The following KDM5B variants were observed in gnomAD, a reference collection of about 807,000 sequenced individuals.
KDM5B encodes lysine demethylase 5B.
In KDM5B, 144 loss-of-function variants were observed where a neutral mutation model predicts 193.4. The ratio of observed to expected loss-of-function variants is 0.74; its 90% confidence interval spans 0.65 to 0.86. The LOEUF is 0.86. KDM5B is among the 40% of genes least tolerant of loss of function. The pLI is 0.00. For synonymous variants in KDM5B, 668 were observed against 682.6 expected, an observed-to-expected ratio of 0.98 and a Z score of 0.33; for missense variants, 1,833 against 1,886.9, an observed-to-expected ratio of 0.97 and a Z score of 0.53.
At chr1:202,736,424 G>C (rs767861386) in intron 20 of KDM5B, 32 bp from the exon 21 acceptor site, 1 of 1,495,852 alleles carries the variant, frequency 6.7e-7, no homozygotes, top group Non-Finnish European at 9.0e-7. Context: ...CAGCAGTTTA[G>C]AGAAAAGAAC....
chr1:202,748,661 G>A (rs2102247366), intron 14 of KDM5B, among the ~76,000 whole-genome samples: 1 of 152,274 alleles, frequency 6.6e-6, no homozygotes, highest in Non-Finnish European at 1.5e-5. Flanking sequence ...TTGAACCCAG[G>A]AGTTTGAGAC....
At position 202,774,800 on chromosome 1, in the gene KDM5B, T is replaced by G. The variant is rs1429841835; in HGVS notation, c.283-65A>C. Reference sequence around the variant, plus strand: ...ATTTTAAAGCTCCTATTACCTGCCATTATTTTCTTTCACAGAATATTTAAG... The same window carrying G: ...ATTTTAAAGCTCCTATTACCTGCCAGTATTTTCTTTCACAGAATATTTAAG... On this transcript the variant is annotated intron_variant, in intron 2 of 26. Coordinates refer to ENST00000367265, the MANE Select transcript of KDM5B (RefSeq NM_006618.5). The G allele has an allele frequency of 2.0e-5, 29 of 1,486,962 alleles. No individual in the cohort carries two copies. The Admixed American group carries it at 4.7e-4, about 24-fold the overall frequency. The allele number at this position is 1,486,962 out of a possible 1,614,324, so 92.1% of individuals were successfully genotyped here.
In KDM5B at chr1:202,774,822, T is replaced by C. The variant is rs972609450; in HGVS notation, c.283-87A>G. 6 of 1,320,868 alleles carry C rather than the reference T, an allele frequency of 4.5e-6. No homozygotes were observed. In the African/African-American group the frequency reaches 7.4e-5, roughly 16 times the overall value. The allele number at this position is 1,320,868 out of a possible 1,614,324, so 81.8% of individuals were successfully genotyped here. On this transcript the variant is annotated intron_variant, in intron 2 of 26. Transcript: ENST00000367265. ...CCATTATTTTCTTTCACAGAATATT[T>C]AAGTACAATACCACTTAAAAAAATT...
chr1:202,754,755 G>A (rs1344664532), intron 11 of KDM5B, among the ~76,000 whole-genome samples: 8 of 152,206 alleles, frequency 5.3e-5, no homozygotes, highest in Non-Finnish European at 1.5e-5. Flanking sequence ...CGGTCTCTTG[G>A]CTCACTGCAA....
chr1:202,750,892 T>C (rs934579020), intron 12 of KDM5B, 114 bp from the exon 13 acceptor site: 3 of 1,114,180 alleles, frequency 2.7e-6, no homozygotes, highest in Non-Finnish European at 3.8e-6. Flanking sequence ...CTTTCTGAAA[T>C]TGAGCCAGAA....
intron 16 of KDM5B, among the ~76,000 whole-genome samples, chr1:202,743,336 C>CAAAAAAA (rs56202317): frequency 3.8e-5 from 3 of 79,444 alleles, no homozygotes; most frequent in African/African-American, 1.6e-4. Flanking sequence ...GACCTTGTCT[C>CAAAAAAA]AAAAAAAAAA....
At chr1:202,773,069 A>C in intron 4 of KDM5B, 49 bp downstream of exon 4, 1 of 1,251,812 alleles carries the variant, frequency 8.0e-7, no homozygotes, top group Non-Finnish European at 1.1e-6. Flanking sequence ...AAGACAATGT[A>C]CCAATAAGTA....
intron 14 of KDM5B, among the ~76,000 whole-genome samples, chr1:202,748,335 G>A (rs1655647563): frequency 6.6e-6 from 1 of 151,944 alleles, no homozygotes; most frequent in African/African-American, 2.4e-5. Flanking sequence ...TGTAACTTTG[G>A]ATTAGGCAAG....
At chr1:202,807,682 C>T (rs1357968846) in intron 1 of KDM5B, among the ~76,000 whole-genome samples, 1 of 149,864 alleles carries the variant, frequency 6.7e-6, no homozygotes, top group Non-Finnish European at 1.5e-5. Flanking sequence ...CCCCGCACCC[C>T]GGGAGCGGAG....
chr1:202,732,620 G>GTTT (rs66482938), intron 23 of KDM5B, among the ~76,000 whole-genome samples: 2 of 147,976 alleles, frequency 1.4e-5, no homozygotes, highest in Non-Finnish European at 3.0e-5. Flanking sequence ...ATGACAGACT[G>GTTT]TTTTTTTTTT....
intron 19 of KDM5B, among the ~76,000 whole-genome samples, 188 bp from the exon 20 acceptor site, chr1:202,741,000 A>AAGTTAATAGG (rs1655315068): frequency 1.3e-5 from 2 of 152,172 alleles, no homozygotes; most frequent in Non-Finnish European, 2.9e-5. Context: ...TAACTCTCAC[A>AAGTTAATAGG]CATTTCTCTT....
Position 202,740,803 on chromosome 1 carries a change from A to G in KDM5B, c.2955T>C (p.His985=). 6.2e-7 allele frequency: 1 copy of G among 1,610,282 alleles called. No homozygotes were observed. Among genetic ancestry groups the G allele is most frequent in the East Asian group, 2.2e-5 (1 of 44,796 alleles). ...CTGCCGTAGCAAGGCTATTCAATGA[A>G]TGTCGTGGCCTACAAAATGCAAACA... The part of the protein sequence containing the change: ...AKSLLKARPR[H]SLNSLATAVK... The change falls in exon 20 of 27, where the codon CAT becomes CAC. Residue 985 remains histidine, a synonymous_variant. Coordinates refer to ENST00000367265, the MANE Select transcript of KDM5B (RefSeq NM_006618.5).
intron 11 of KDM5B, 70 bp downstream of exon 11, chr1:202,755,201 C>T (rs1364413328): frequency 8.4e-7 from 1 of 1,188,626 alleles, no homozygotes; most frequent in African/African-American, 1.5e-5. Flanking sequence ...TAAGACACAT[C>T]TGCACTGAAA....
chr1:202,745,879 C>T lies in KDM5B; in HGVS notation c.2302G>A (p.Ala768Thr). The T allele has an allele frequency of 6.2e-7, 1 of 1,614,018 alleles. No individual in the cohort carries two copies. The highest frequency in any genetic ancestry group is 8.5e-7 in the Non-Finnish European group (1 of 1,179,910). Residue 768 changes from alanine (A) to threonine (T), a missense_variant, in exon 16 of 27, where the codon GCA (alanine) becomes ACA (threonine). Physicochemically the swap from Ala to Thr is moderately conservative, Grantham distance 58. Around this residue, in one of 3 missense-constraint regions of KDM5B, gnomAD observed 1,379 missense variants for 1,349.6 expected, o/e 1.02. Coordinates refer to ENST00000367265, the MANE Select transcript of KDM5B (RefSeq NM_006618.5). ...WALNVNEALE[A>T]KINKKKSLVS... Reference sequence around the variant, plus strand: ...ATACTTTTCTTCTTGTTGATCTTTGCCTCCAAAGCTTCATTCACATTCAAG... The same window carrying T: ...ATACTTTTCTTCTTGTTGATCTTTGTCTCCAAAGCTTCATTCACATTCAAG...
At chr1:202,765,063 T>C (rs1227518260) in intron 5 of KDM5B, among the ~76,000 whole-genome samples, 2 of 152,242 alleles carry the variant, frequency 1.3e-5, no homozygotes, top group Non-Finnish European at 2.9e-5. Context: ...ATCTATTTGC[T>C]TTATGCTTTA....
intron 4 of KDM5B, among the ~76,000 whole-genome samples, chr1:202,770,621 G>A (rs914000524): frequency 1.3e-5 from 2 of 152,114 alleles, no homozygotes; most frequent in Non-Finnish European, 2.9e-5. Flanking sequence ...ACGGATTGCC[G>A]CAGTCATTAG....
chr1:202,760,700 T>A (rs1656211774), intron 7 of KDM5B, 127 bp from the exon 8 acceptor site: 4 of 544,254 alleles, frequency 7.3e-6, no homozygotes, highest in African/African-American at 5.9e-5. Flanking sequence ...TGCTTCAACC[T>A]CTATAAGGGA....
intron 1 of KDM5B, among the ~76,000 whole-genome samples, chr1:202,782,701 T>G (rs934154701): frequency 3.3e-5 from 5 of 152,202 alleles, no homozygotes; most frequent in Non-Finnish European, 7.3e-5. Flanking sequence ...TAATGTAAGC[T>G]GGCCAAAAAG....
chr1:202,757,161 T>C (rs1656051730), intron 9 of KDM5B, among the ~76,000 whole-genome samples: 1 of 152,098 alleles, frequency 6.6e-6, no homozygotes, highest in Admixed American at 6.5e-5. Context: ...CAGTTCACAA[T>C]AGGGTTTGCC....
Sources: gnomAD v4.1 joint callset for allele counts (sites outside exome capture counted in the v4.1 genomes callset) on GRCh38, gnomAD v4.1.1 for gene constraint, gnomAD v4.1.1 regional missense constraint, MANE v1.5 for transcripts, NCBI Gene and HGNC (gene_info 2026-07-23, HGNC 2026-07-21) for gene names.